SLC8A1: variants seen among roughly 807,000 people sequenced by gnomAD.
SLC8A1 encodes sodium/calcium exchanger 1.
A neutral mutation model predicts 68.3 loss-of-function variants in SLC8A1; 18 were observed. The observed-to-expected ratio is 0.26, with a 90% confidence interval of 0.18 to 0.39. The LOEUF is 0.39. Ranked by LOEUF, SLC8A1 falls within the 10% of genes least tolerant of loss-of-function variation. SLC8A1 has a pLI of 1.00. For missense variants in SLC8A1, 985 were observed against 1,156.7 expected, an observed-to-expected ratio of 0.85 and a Z score of 2.15; for synonymous variants, 475 against 415.5, an observed-to-expected ratio of 1.14 and a Z score of -1.74.
chr2:40,447,857 G>A (rs1372238913), intron 1 of SLC8A1, among the ~76,000 whole-genome samples: 2 of 152,158 alleles, frequency 1.3e-5, no homozygotes, highest in Admixed American at 1.3e-4. Flanking sequence ...CATTTTCTTT[G>A]CTTCAGCTGC....
intron 1 of SLC8A1, among the ~76,000 whole-genome samples, chr2:40,497,706 A>C (rs149600511): frequency 1.5e-3 from 233 of 152,146 alleles, no homozygotes; most frequent in African/African-American, 5.4e-3. Context: ...TTATGGGGAG[A>C]CAGTGAGAGA....
intron 3 of SLC8A1, 103 bp downstream of exon 4, chr2:40,175,158 G>T (rs959336669): frequency 1.7e-6 from 2 of 1,166,930 alleles, no homozygotes; most frequent in Middle Eastern, 1.9e-4. Flanking sequence ...AATCTTGCTA[G>T]CAAGTCAAGA....
intron 4 of SLC8A1, among the ~76,000 whole-genome samples, chr2:40,168,163 G>A (rs543310247): frequency 3.9e-5 from 6 of 152,160 alleles, no homozygotes; most frequent in Admixed American, 2.0e-4. Flanking sequence ...TAGACAATGG[G>A]CAACTTCTAG....
chr2:40,354,289 G>T (rs1411883054), intron 2 of SLC8A1, among the ~76,000 whole-genome samples: 1 of 152,090 alleles, frequency 6.6e-6, no homozygotes, highest in Non-Finnish European at 1.5e-5. Context: ...TATAACTGAG[G>T]TGATCATATG....
At chr2:40,286,863 T>C (rs569588728) in intron 2 of SLC8A1, among the ~76,000 whole-genome samples, 1 of 152,240 alleles carries the variant, frequency 6.6e-6, no homozygotes, top group African/African-American at 2.4e-5. Context: ...AAAGTTATGA[T>C]TGAACCAGCT....
intron 1 of SLC8A1, among the ~76,000 whole-genome samples, chr2:40,469,534 T>C (rs1333415948): frequency 2.0e-5 from 3 of 152,178 alleles, no homozygotes; most frequent in Non-Finnish European, 4.4e-5. Context: ...CTAATAGCAA[T>C]GTGAAAACAG....
chr2:40,143,603 A>G (rs1410982922), intron 6 of SLC8A1, among the ~76,000 whole-genome samples: 1 of 152,168 alleles, frequency 6.6e-6, no homozygotes, highest in Non-Finnish European at 1.5e-5. Context: ...GACTTCTTAA[A>G]TATAACTACA....
chr2:40,378,573 T>G (rs1391879027), intron 2 of SLC8A1, among the ~76,000 whole-genome samples: 1 of 152,052 alleles, frequency 6.6e-6, no homozygotes, highest in Non-Finnish European at 1.5e-5. Flanking sequence ...AAATCAGCAT[T>G]ATTTCTTGGG....
intron 2 of SLC8A1, among the ~76,000 whole-genome samples, chr2:40,182,651 C>A (rs935958755): frequency 6.6e-6 from 1 of 152,242 alleles, no homozygotes; most frequent in East Asian, 1.9e-4. Context: ...TCTCAAAGGA[C>A]CTGAACATCT....
intron 2 of SLC8A1, among the ~76,000 whole-genome samples, chr2:40,237,828 G>C (rs1199658467): frequency 2.0e-5 from 3 of 152,162 alleles, no homozygotes; most frequent in Non-Finnish European, 4.4e-5. Flanking sequence ...CTAACAGACA[G>C]GACCCTCAGC....
chr2:40,421,642 T>C (rs1695532165), intron 2 of SLC8A1, among the ~76,000 whole-genome samples: 2 of 152,174 alleles, frequency 1.3e-5, no homozygotes, highest in Non-Finnish European at 2.9e-5. Flanking sequence ...CTGCTTTTCG[T>C]TCTTACCTTC....
intron 1 of SLC8A1, among the ~76,000 whole-genome samples, chr2:40,450,059 G>T (rs934481578): frequency 7.9e-5 from 12 of 152,136 alleles, no homozygotes; most frequent in Non-Finnish European, 1.8e-4. Context: ...GCCTCTTGAT[G>T]AAATAAGTTG....
chr2:40,235,220 A>T (rs898126406), intron 2 of SLC8A1, among the ~76,000 whole-genome samples: 1 of 152,104 alleles, frequency 6.6e-6, no homozygotes, highest in Non-Finnish European at 1.5e-5. Flanking sequence ...CTGTGAATCC[A>T]TCTGGTCCTG....
chr2:40,351,239 C>G (rs563519500), intron 2 of SLC8A1, among the ~76,000 whole-genome samples: 1 of 152,216 alleles, frequency 6.6e-6, no homozygotes, highest in East Asian at 1.9e-4. Flanking sequence ...GAGTAGACAT[C>G]TAAACTCTCA....
At chr2:40,461,700 T>C (rs993534656) in intron 1 of SLC8A1, among the ~76,000 whole-genome samples, 1 of 152,212 alleles carries the variant, frequency 6.6e-6, no homozygotes, top group Non-Finnish European at 1.5e-5. Flanking sequence ...ATTTGTAACA[T>C]TTAATCAAGT....
At chr2:40,159,425 G>T (rs1213218573) in intron 6 of SLC8A1, among the ~76,000 whole-genome samples, 1 of 152,138 alleles carries the variant, frequency 6.6e-6, no homozygotes, top group Non-Finnish European at 1.5e-5. Context: ...GATTAGAAAT[G>T]GTTCAGTATA....
chr2:40,372,074 A>AT (rs1559424236), intron 2 of SLC8A1, among the ~76,000 whole-genome samples: 4 of 152,162 alleles, frequency 2.6e-5, no homozygotes, highest in African/African-American at 9.6e-5. Context: ...GAAAATTATG[A>AT]TAAACCCCTC....
chr2:40,505,044 T>C (rs924876771), intron 1 of SLC8A1, among the ~76,000 whole-genome samples: 1 of 151,892 alleles, frequency 6.6e-6, no homozygotes, highest in African/African-American at 2.4e-5. Context: ...TACCTAAGAT[T>C]TGGAAGCTCC....
intron 2 of SLC8A1, among the ~76,000 whole-genome samples, chr2:40,393,125 G>A (rs1304092168): frequency 6.6e-6 from 1 of 151,978 alleles, no homozygotes; most frequent in African/African-American, 2.4e-5. Context: ...CTATTTTATA[G>A]CTCCGTTTTA....
Sources: allele counts gnomAD v4.1 joint callset (sites outside exome capture counted in the v4.1 genomes callset), GRCh38; gene constraint gnomAD v4.1.1; transcripts MANE v1.5; gene names NCBI Gene and HGNC (gene_info 2026-07-23, HGNC 2026-07-21).